The following NBAS variants were observed in gnomAD, a reference collection of about 807,000 sequenced individuals.
The protein encoded by NBAS is NBAS subunit of NRZ tethering complex, also known as NAG/BC035112 fusion.
In NBAS, 219 loss-of-function variants were observed where a neutral mutation model predicts 302.5. That is an observed-to-expected ratio of 0.72 (90% CI 0.65 to 0.81). NBAS has a LOEUF of 0.81. Among genes scored for constraint, NBAS ranks in the 30% least tolerant of loss-of-function variants. The pLI is 0.00. For synonymous variants in NBAS, 1,118 were observed against 1,021.6 expected (o/e 1.09, Z -1.80); for missense variants, 2,932 against 2,841.6 (o/e 1.03, Z -0.72).
At chr2:14,840,230 ACAGT>A in the NBAS span, among the ~76,000 whole-genome samples, 4 of 151,992 alleles carry the variant, frequency 2.6e-5, no homozygotes, top group South Asian at 2.1e-4. Flanking sequence ...TTACAAACAC[ACAGT>A]CAGAGGATAA....
At chr2:14,978,501 T>G in the NBAS span, among the ~76,000 whole-genome samples, 1 of 152,200 alleles carries the variant, frequency 6.6e-6, no homozygotes, top group Non-Finnish European at 1.5e-5. Flanking sequence ...TAAAAATGTA[T>G]TAGAAGAACT....
rs1666788540 is a variant in NBAS, at chr2:15,218,949, C to T, written c.6256G>A (p.Glu2086Lys). 2 of 1,614,264 alleles carry T rather than the reference C, an allele frequency of 1.2e-6. No homozygotes were observed. The highest frequency in any genetic ancestry group is 1.7e-6 in the Non-Finnish European group (2 of 1,180,044). Reference protein sequence around the residue: ...VDKGEELVSPEDLLEWLRPFC... With the variant: ...VDKGEELVSPKDLLEWLRPFC... ...GGCCGCAGCCACTCCAGCAGGTCCT[C>T]AGGTGAAACCAGCTCCTCACTGCAG... is the stretch of plus-strand genomic sequence containing the variant. The change falls in exon 48 of 52, where the codon GAG becomes AAG. Residue 2086 changes from glutamate to lysine, a missense_variant. Glu to Lys is a moderately conservative substitution (Grantham distance 56). Transcript: ENST00000281513.
intron 21 of NBAS, among the ~76,000 whole-genome samples, chr2:15,460,659 C>T (rs1011643631): frequency 3.9e-5 from 6 of 152,220 alleles, no homozygotes; most frequent in Non-Finnish European, 8.8e-5. Context: ...ATGGTTCCAA[C>T]ATAGGCTTTG....
intron 19 of NBAS, among the ~76,000 whole-genome samples, chr2:15,462,472 T>C (rs1053052294): frequency 6.6e-6 from 1 of 152,210 alleles, no homozygotes; most frequent in Admixed American, 6.5e-5. Context: ...TTAGGGCTCA[T>C]GTCTGCCATG....
At chr2:15,363,995 G>A (rs1285553055) in intron 32 of NBAS, among the ~76,000 whole-genome samples, 2 of 152,182 alleles carry the variant, frequency 1.3e-5, no homozygotes, top group African/African-American at 4.8e-5. Context: ...CACTCAAGCA[G>A]CCCAATGGAG....
At chr2:15,049,756 A>G in the NBAS span, among the ~76,000 whole-genome samples, 1 of 152,138 alleles carries the variant, frequency 6.6e-6, no homozygotes, top group African/African-American at 2.4e-5. Flanking sequence ...CAGCATGGGG[A>G]CCACAAGGCC....
chr2:15,438,137 C>T (rs1254912568), intron 21 of NBAS, among the ~76,000 whole-genome samples: 4 of 152,194 alleles, frequency 2.6e-5, no homozygotes, highest in African/African-American at 9.6e-5. Context: ...TACTGTATTT[C>T]AACTACATTT....
chr2:14,845,597 T>C, the NBAS span, among the ~76,000 whole-genome samples: 1 of 152,156 alleles, frequency 6.6e-6, no homozygotes, highest in African/African-American at 2.4e-5. Context: ...AACAGAGATA[T>C]GTGACCTTTC....
the NBAS span, among the ~76,000 whole-genome samples, chr2:14,962,330 T>C: frequency 1.3e-5 from 2 of 152,286 alleles, no homozygotes; most frequent in African/African-American, 2.4e-5. Context: ...GTTACATGTA[T>C]GAACTGTAAT....
the NBAS span, among the ~76,000 whole-genome samples, chr2:15,143,899 TG>T: frequency 6.6e-6 from 1 of 151,492 alleles, no homozygotes. Context: ...CTGTGCTGAA[TG>T]CTTCCTGCCC....
At chr2:15,402,351 A>G in intron 25 of NBAS, 50 bp from the exon 26 acceptor site, 5 of 1,567,674 alleles carry the variant, frequency 3.2e-6, no homozygotes, top group Non-Finnish European at 4.4e-6. Flanking sequence ...TTTATAGTCA[A>G]TTTTTCCATA....
the NBAS span, among the ~76,000 whole-genome samples, chr2:15,159,910 C>T: frequency 4.0e-4 from 61 of 152,144 alleles, no homozygotes; most frequent in East Asian, 0.011. Flanking sequence ...CACCTACTGG[C>T]TATGCAATTT....
chr2:15,253,350 G>C (rs901509114), intron 44 of NBAS, among the ~76,000 whole-genome samples: 2 of 152,046 alleles, frequency 1.3e-5, no homozygotes, highest in Non-Finnish European at 2.9e-5. Context: ...TTACTCCCAA[G>C]CTATACCTGC....
chr2:14,876,351 C>T, the NBAS span, among the ~76,000 whole-genome samples: 1 of 152,124 alleles, frequency 6.6e-6, no homozygotes, highest in African/African-American at 2.4e-5. Flanking sequence ...AGATATAGTC[C>T]AGAACTCCAT....
intron 4 of NBAS, 111 bp from the exon 5 acceptor site, chr2:15,553,584 C>G (rs1473493116): frequency 6.9e-6 from 7 of 1,020,516 alleles, no homozygotes; most frequent in Non-Finnish European, 1.1e-5. Context: ...AATTTGTTCA[C>G]ATGCTTTAAT....
At chr2:14,857,801 C>T in the NBAS span, among the ~76,000 whole-genome samples, 40 of 152,002 alleles carry the variant, frequency 2.6e-4, no homozygotes, top group Non-Finnish European at 5.2e-4. Flanking sequence ...GCACAGGCAA[C>T]CAAAACAAAA....
At chr2:15,379,524 A>G in intron 30 of NBAS, 78 bp downstream of exon 30, 2 of 1,388,016 alleles carry the variant, frequency 1.4e-6, no homozygotes, top group South Asian at 1.2e-5. Flanking sequence ...TATATTTGGT[A>G]AAGAAAAGAA....
chr2:15,159,498 A>C, the NBAS span, among the ~76,000 whole-genome samples: 1 of 152,306 alleles, frequency 6.6e-6, no homozygotes, highest in South Asian at 2.1e-4. Flanking sequence ...TGCTAAGTGA[A>C]ATAAGCCACA....
At chr2:15,080,449 G>C in the NBAS span, among the ~76,000 whole-genome samples, 2 of 152,188 alleles carry the variant, frequency 1.3e-5, no homozygotes, top group Non-Finnish European at 2.9e-5. Context: ...GCTCTCCCCA[G>C]TCTGGGCAAG....
Sources: gnomAD v4.1 joint callset for allele counts (sites outside exome capture counted in the v4.1 genomes callset) on GRCh38, gnomAD v4.1.1 for gene constraint, MANE v1.5 for transcripts, NCBI Gene and HGNC (gene_info 2026-07-23, HGNC 2026-07-21) for gene names.